Variants in SETD7 observed in about 807,000 individuals in gnomAD.
SETD7 encodes SET domain containing 7, histone lysine methyltransferase.
SETD7 carries 16 observed loss-of-function variants against 41.8 expected under a neutral mutation model. The ratio of observed to expected loss-of-function variants is 0.38; its 90% CI spans 0.26 to 0.58. SETD7 has a LOEUF of 0.58. Ranked by LOEUF, SETD7 falls within the 20% of genes least tolerant of loss-of-function variation. The pLI is 0.64. For synonymous variants in SETD7, 163 were observed against 169.7 expected (o/e 0.96, Z 0.31); for missense variants, 346 against 459.7 (o/e 0.75, Z 2.26).
chr4:139,551,484 C>T (rs1728108463), intron 1 of SETD7, among the ~76,000 whole-genome samples: 1 of 152,182 alleles, frequency 6.6e-6, no homozygotes, highest in Non-Finnish European at 1.5e-5. Flanking sequence ...TTACAATTTT[C>T]CCCTCTAGTT....
intron 7 of SETD7, among the ~76,000 whole-genome samples, chr4:139,515,802 T>G (rs1031343340): frequency 2.6e-5 from 4 of 152,184 alleles, no homozygotes; most frequent in Non-Finnish European, 5.9e-5. Context: ...TCCTGGCAAT[T>G]TGCCTACAGA....
At position 139,520,365 on chromosome 4, in the gene SETD7, C is replaced by A. The variant is rs774991762; in HGVS notation, c.674G>T (p.Ser225Ile). Residue 225 changes from serine to isoleucine, a missense_variant, in exon 6 of 8, where the codon AGT becomes ATT. This residue lies in a region of SETD7 where 266 missense variants were observed against 377.0 expected (regional missense o/e 0.71). Coordinates refer to ENST00000274031, the MANE Select transcript of SETD7 (RefSeq NM_030648.4). ...RVYVAESLIS[S>I]AGEGLFSKVA... Reference sequence around the variant, plus strand: ...CTTTGAAAAAAGTCCTTCTCCAGCACTGGAAATAAGAGATTCAGCAACATA... The same window carrying A: ...CTTTGAAAAAAGTCCTTCTCCAGCAATGGAAATAAGAGATTCAGCAACATA... The A allele has an allele frequency of 1.2e-5, 19 of 1,608,346 alleles. 2 individuals are homozygous for A. The South Asian group carries it at 2.1e-4, about 18-fold the overall frequency.
At position 139,508,002 on chromosome 4, in the gene SETD7, T is replaced by C. The variant is rs115000685; in HGVS notation, c.*3661A>G. The C allele has an allele frequency of 1.3e-5, 2 of 152,338 alleles. No homozygotes were observed. Among genetic ancestry groups the C allele is most frequent in the South Asian group, 2.1e-4 (1 of 4,826 alleles). The allele number at this position is 152,338 out of a possible 1,614,324, so 9.4% of individuals were successfully genotyped here. On this transcript the variant is annotated 3_prime_UTR_variant, in exon 8 of 8. Coordinates refer to ENST00000274031, the MANE Select transcript of SETD7 (RefSeq NM_030648.4). ...AACAGAAAATGATACCTCTACCTTCTTGGAAGATTTTAAATGCATGTTGCA... is the reference window on the plus strand; with the variant it reads ...AACAGAAAATGATACCTCTACCTTCCTGGAAGATTTTAAATGCATGTTGCA...
At chr4:139,511,975 T>C in intron 7 of SETD7, 132 bp from the exon 8 acceptor site, 1 of 1,426,744 alleles carries the variant, frequency 7.0e-7, no homozygotes, top group East Asian at 2.5e-5. Flanking sequence ...GCCCAAAGTG[T>C]GGTCACCCAG....
chr4:139,534,310 T>G (rs1010572866), intron 2 of SETD7, among the ~76,000 whole-genome samples: 8 of 152,242 alleles, frequency 5.3e-5, no homozygotes, highest in African/African-American at 1.9e-4. Context: ...TTTTAAAATT[T>G]AAAATGTAAG....
Position 139,511,522 on chromosome 4 carries a change from T to G in SETD7, c.*141A>C, listed in dbSNP as rs1726875080. On this transcript the variant is annotated 3_prime_UTR_variant, in exon 8 of 8. Transcript: ENST00000274031. ...GTAATACAGTCAAACCTAGTTAGTA[T>G]GCGAGAAAGTCGTTGCTAACGCATG... The G allele has an allele frequency of 1.3e-6, 2 of 1,489,680 alleles. No individual in the cohort carries two copies. Among genetic ancestry groups the G allele is most frequent in the Non-Finnish European group, 1.8e-6 (2 of 1,101,366 alleles). The allele number at this position is 1,489,680 out of a possible 1,614,324, so 92.3% of individuals were successfully genotyped here.
intron 7 of SETD7, among the ~76,000 whole-genome samples, chr4:139,516,911 T>C (rs1727042048): frequency 6.6e-6 from 1 of 152,076 alleles, no homozygotes; most frequent in Non-Finnish European, 1.5e-5. Flanking sequence ...TAGCACACAC[T>C]CCTTATCACC....
downstream of SETD7, among the ~76,000 whole-genome samples, chr4:139,503,860 C>T (rs967732852): frequency 4.6e-5 from 7 of 152,160 alleles, no homozygotes; most frequent in Non-Finnish European, 1.0e-4. Context: ...ATCATAGTGC[C>T]CCTGTAGCCA....
intron 2 of SETD7, chr4:139,546,422 C>A (rs1727948569): frequency 9.3e-6 from 2 of 214,794 alleles, no homozygotes; most frequent in South Asian, 6.7e-5. Flanking sequence ...AACAAGGTGG[C>A]AGAATCTTGC....
At chr4:139,497,445 C>T (rs1365215545) in intron 7 of SETD7, among the ~76,000 whole-genome samples, 2 of 150,428 alleles carry the variant, frequency 1.3e-5, no homozygotes, top group Admixed American at 6.6e-5. Flanking sequence ...GCAACAAGAG[C>T]GAAACTCCGT....
chr4:139,511,763 G>T lies in SETD7; in HGVS notation c.1001C>A (p.Ala334Asp). 6.2e-7 allele frequency: 1 copy of T among 1,614,188 alleles called. No homozygotes were observed. The highest frequency in any genetic ancestry group is 8.5e-7 in the Non-Finnish European group (1 of 1,180,018). Residue 334 changes from alanine (A) to aspartate (D), a missense_variant, in exon 8 of 8, where the codon GCC (alanine) becomes GAC (aspartate). By Grantham distance (126) the Ala-to-Asp change is moderately radical. Coordinates refer to ENST00000274031, the MANE Select transcript of SETD7 (RefSeq NM_030648.4). ...AVEADEELTV[A>D]YGYDHSPPGK... ...GGGGGGGCTGTGGTCATAGCCATAG[G>T]CAACGGTGAGCTCTTCATCGGCCTC...
intron 5 of SETD7, among the ~76,000 whole-genome samples, chr4:139,522,516 A>G (rs923765795): frequency 2.6e-5 from 4 of 152,196 alleles, no homozygotes; most frequent in African/African-American, 9.7e-5. Flanking sequence ...TGCCTCTTAT[A>G]CTTTCTTTGT....
In SETD7 at chr4:139,555,995, TGGCGGCCGCGGGGCCC is replaced by T. The variant is rs1728258893; in HGVS notation, c.40+87_40+102del. On this transcript the variant is annotated intron_variant, in intron 1 of 7. Transcript: ENST00000274031. The surrounding 1 kb of genome is among the most constrained non-coding windows in gnomAD (Gnocchi z 4.0). ...AACCGGCCACCCGTGTAGGGGACAG[TGGCGGCCGCGGGGCCC>T]GGCGCCGCGCTGTTCGCAGCCCGCC... 4.8e-6 allele frequency: 6 copies of T among 1,240,312 alleles called. No homozygotes were observed. Among genetic ancestry groups the T allele is most frequent in the Non-Finnish European group, 6.6e-6 (6 of 913,856 alleles). 76.8% of individuals were successfully genotyped at this position (1,240,312 alleles called of 1,614,324 possible).
chr4:139,518,095 A>C, intron 6 of SETD7, 53 bp from the exon 7 acceptor site: 2 of 1,548,132 alleles, frequency 1.3e-6, no homozygotes, highest in Non-Finnish European at 1.7e-6. Context: ...CCCAAAGGTC[A>C]AAGGACATCA....
intron 2 of SETD7, among the ~76,000 whole-genome samples, chr4:139,542,653 C>CG (rs35360601): frequency 1.3e-4 from 19 of 151,370 alleles, no homozygotes; most frequent in African/African-American, 1.9e-4. Context: ...TAAAAAAAAG[C>CG]GGGGGGGAGC....
At chr4:139,497,598 T>C (rs72726555) in intron 7 of SETD7, among the ~76,000 whole-genome samples, 3 of 132,416 alleles carry the variant, frequency 2.3e-5, no homozygotes, top group African/African-American at 8.4e-5. Context: ...TGTTTTTTTG[T>C]TTTTTTTTTA....
At chr4:139,504,605 G>A (rs1287971264), downstream of SETD7, among the ~76,000 whole-genome samples, 1 of 152,068 alleles carries the variant, frequency 6.6e-6, no homozygotes, top group Non-Finnish European at 1.5e-5. Context: ...AAAGTCCTTC[G>A]ATAGCTGTTA....
chr4:139,534,092 G>A (rs1265786675), intron 2 of SETD7, among the ~76,000 whole-genome samples: 1 of 152,084 alleles, frequency 6.6e-6, no homozygotes, highest in Non-Finnish European at 1.5e-5. Context: ...CTGATAGTTT[G>A]AGACCCACGG....
At position 139,509,919 on chromosome 4, in the gene SETD7, C is replaced by T; in HGVS notation, c.*1744G>A. On this transcript the variant is annotated 3_prime_UTR_variant, in exon 8 of 8. Transcript: ENST00000274031. ...CAACTGGATCTCCCTGAAACCACTGCCACCTAGCTGCAAAGCATGCAACCG... is the reference window on the plus strand; with the variant it reads ...CAACTGGATCTCCCTGAAACCACTGTCACCTAGCTGCAAAGCATGCAACCG... 1.0e-6 allele frequency: 1 copy of T among 982,786 alleles called. No individual in the cohort carries two copies. Among genetic ancestry groups the T allele is most frequent in the South Asian group, 4.7e-5 (1 of 21,230 alleles). 60.9% of individuals were successfully genotyped at this position (982,786 alleles called of 1,614,324 possible).
Sources: allele counts gnomAD v4.1 joint callset (sites outside exome capture counted in the v4.1 genomes callset), GRCh38; gene constraint gnomAD v4.1.1; regional missense constraint gnomAD v4.1.1; non-coding constraint Gnocchi (gnomAD v3.1); transcripts MANE v1.5; gene names NCBI Gene and HGNC (gene_info 2026-07-23, HGNC 2026-07-21).